The following GPR108 variants were observed in gnomAD, a reference collection of about 807,000 sequenced individuals.
GPR108 encodes protein GPR108.
GPR108 carries 60 observed loss-of-function variants against 74.3 expected under a neutral mutation model. That is an observed-to-expected ratio of 0.81 (90% CI 0.66 to 1.00). The LOEUF (loss-of-function observed/expected upper bound fraction) is 1.00, where lower values mean the gene tolerates loss of function less well. GPR108 is among the 50% of genes least tolerant of loss of function. GPR108 has a pLI of 0.00. For missense variants in GPR108, 667 were observed against 703.3 expected (o/e 0.95, Z 0.58); for synonymous variants, 311 against 292.4 (o/e 1.06, Z -0.65).
At position 6,731,472 on chromosome 19, in the gene GPR108, C is replaced by A; in HGVS notation, c.1350+1G>T. 6.5e-7 allele frequency: 1 copy of A among 1,536,388 alleles called. No individual in the cohort carries two copies. The highest frequency in any genetic ancestry group is 8.7e-7 in the Non-Finnish European group (1 of 1,143,224). ...CCGCTGTGAGTGAGGCGGGCTCCTA[C>A]CATGACATAGTAATGCCGGAACAGC... On this transcript the variant is annotated splice_donor_variant, in intron 15 of 17. Coordinates refer to ENST00000264080, the MANE Select transcript of GPR108 (RefSeq NM_001080452.2). LOFTEE classifies it high-confidence loss of function.
intron 4 of GPR108, 42 bp downstream of exon 4, chr19:6,735,580 C>T (rs369169708): frequency 4.2e-4 from 657 of 1,554,828 alleles, no homozygotes; most frequent in East Asian, 1.8e-3. Flanking sequence ...ACCAGGGAAA[C>T]GCAGACGAAG....
rs986304501 is a variant in GPR108 at position 6,737,425 on chromosome 19, CCGACCCCAGACCCTCGCG to C, written c.120+14_120+31del. The C allele has an allele frequency of 1.9e-6, 3 of 1,576,016 alleles. No individual in the cohort carries two copies. ...GCTTCTCCGAGACAAAGTTGCGCCA[CCGACCCCAGACCCTCGCG>C]CGGCGGGCCTCACCGTCAGCGCCAG... On this transcript the variant is annotated intron_variant, in intron 1 of 17. Coordinates refer to ENST00000264080, the MANE Select transcript of GPR108 (RefSeq NM_001080452.2).
chr19:6,733,154 G>C lies in GPR108; in HGVS notation c.857+14C>G, dbSNP rs756683252. On this transcript the variant is annotated intron_variant, in intron 9 of 17. Coordinates refer to ENST00000264080, the MANE Select transcript of GPR108 (RefSeq NM_001080452.2). ...TGAAGGGACGTGGGGGACCCTCAGG[G>C]GCAGGGGCATTACGTGTTCCTGCAG... 9.3e-6 allele frequency: 15 copies of C among 1,613,852 alleles called. No individual in the cohort carries two copies. Among genetic ancestry groups the C allele is most frequent in the Non-Finnish European group, 1.3e-5 (15 of 1,179,986 alleles).
chr19:6,737,197 A>G, intron 1 of GPR108: 2 of 499,922 alleles, frequency 4.0e-6, no homozygotes, highest in South Asian at 5.2e-5. Flanking sequence ...AGTTGGGGGG[A>G]AGGGGGGTGT....
chr19:6,733,514 C>T, intron 8 of GPR108, 56 bp downstream of exon 8: 1 of 1,538,666 alleles, frequency 6.5e-7, no homozygotes, highest in Non-Finnish European at 9.0e-7. Context: ...GCACTCTGGG[C>T]CCGCAGTGGC....
In GPR108 at chr19:6,733,630, G is replaced by T. The variant is rs771562781; in HGVS notation, c.663C>A (p.Ser221Arg). The change falls in exon 8 of 18, where the codon AGC becomes AGA. Residue 221 changes from serine to arginine, a missense_variant. By Grantham distance (110) the Ser-to-Arg change is moderately radical. Coordinates refer to ENST00000264080, the MANE Select transcript of GPR108 (RefSeq NM_001080452.2). ...IGSQAEEGQYSLNFHNCNNSV... is the reference protein window; with the variant it reads ...IGSQAEEGQYRLNFHNCNNSV... ...AATTGTTGCAGTTGTGGAAGTTCAGGCTGTACTGGCCTTCTTCCGCCTGAG... is the reference window on the plus strand; with the variant it reads ...AATTGTTGCAGTTGTGGAAGTTCAGTCTGTACTGGCCTTCTTCCGCCTGAG... The T allele has an allele frequency of 6.2e-7, 1 of 1,614,188 alleles. No homozygotes were observed. The highest frequency in any genetic ancestry group is 8.5e-7 in the Non-Finnish European group (1 of 1,180,024).
At chr19:6,732,181 G>C in intron 12 of GPR108, 26 bp from the exon 13 acceptor site, 3 of 1,612,676 alleles carry the variant, frequency 1.9e-6, no homozygotes, top group Non-Finnish European at 2.5e-6. Context: ...GGGTGGGTGG[G>C]CACTGCCTGG....
Position 6,731,015 on chromosome 19 carries a change from C to T in GPR108, c.1531G>A (p.Asp511Asn), listed in dbSNP as rs374025392. Residue 511 changes from aspartate (D) to asparagine (N), a missense_variant, in exon 17 of 18, where the codon GAC becomes AAC. Asp to Asn is a conservative substitution (Grantham distance 23, BLOSUM62 1). Transcript: ENST00000264080. ...NNPYLQLPQE[D>N]EEDVQMEQVM... ...TGCTCCATCTGAACATCCTCCTCGTCCTCCTGGGGCAGCTGCAGGTACGGG... is the reference window on the plus strand; with the variant it reads ...TGCTCCATCTGAACATCCTCCTCGTTCTCCTGGGGCAGCTGCAGGTACGGG... 4 of 1,613,384 alleles carry T rather than the reference C, an allele frequency of 2.5e-6. No individual in the cohort carries two copies. Among genetic ancestry groups the T allele is most frequent in the African/African-American group, 1.3e-5 (1 of 74,836 alleles).
intron 2 of GPR108, among the ~76,000 whole-genome samples, chr19:6,736,362 G>T (rs1251778190): frequency 6.6e-6 from 1 of 152,178 alleles, no homozygotes; most frequent in Non-Finnish European, 1.5e-5. Context: ...CTCCCAAAGT[G>T]CTAGGACTAC....
Position 6,734,066 on chromosome 19 carries a change from C to T in GPR108, c.500-12G>A, listed in dbSNP as rs369064279. Reference sequence around the variant, plus strand: ...TGCAGAGGTCCCTCCTGTAAGAGACCGGGCAGTGATTTTAAGAGATGGATG... The same window carrying T: ...TGCAGAGGTCCCTCCTGTAAGAGACTGGGCAGTGATTTTAAGAGATGGATG... On this transcript the variant is annotated splice_polypyrimidine_tract_variant and intron_variant, in intron 5 of 17. Coordinates refer to ENST00000264080, the MANE Select transcript of GPR108 (RefSeq NM_001080452.2). 58 of 1,613,978 alleles carry T rather than the reference C, an allele frequency of 3.6e-5. No individual in the cohort carries two copies. Among genetic ancestry groups the T allele is most frequent in the Non-Finnish European group, 3.9e-5 (46 of 1,180,020 alleles).
intron 10 of GPR108, 116 bp downstream of exon 10, chr19:6,732,871 A>C: frequency 1.1e-6 from 1 of 879,302 alleles, no homozygotes; most frequent in Non-Finnish European, 1.8e-6. Flanking sequence ...ATGGGTGGAC[A>C]CGTGGATAGC....
rs184983732 is a variant in GPR108 at position 6,731,971 on chromosome 19, G to A, written c.1257-37C>T. ...GGAGGACACAGGGTACGGTCAGCGC[G>A]GACATCGCCCATGTGCACAGGGCAG... On this transcript the variant is annotated intron_variant, in intron 13 of 17. Coordinates refer to ENST00000264080, the MANE Select transcript of GPR108 (RefSeq NM_001080452.2). 3.3e-4 allele frequency: 537 copies of A among 1,613,352 alleles called. 1 individual carries two copies. The African/African-American group carries it at 5.7e-3, about 17-fold the overall frequency.
At chr19:6,736,255 C>T (rs1003593944) in intron 2 of GPR108, among the ~76,000 whole-genome samples, 1 of 152,110 alleles carries the variant, frequency 6.6e-6, no homozygotes, top group East Asian at 1.9e-4. Context: ...TCACCACGCC[C>T]GGCTAATTTT....
chr19:6,731,658 G>C (rs1460149310), intron 14 of GPR108, 136 bp from the exon 15 acceptor site: 13 of 865,748 alleles, frequency 1.5e-5, no homozygotes, highest in Non-Finnish European at 2.3e-5. Context: ...GGGGACATTA[G>C]GTGGGGCAGA....
At chr19:6,733,475 G>A (rs1968505823) in intron 8 of GPR108, 95 bp downstream of exon 8, 1 of 1,404,008 alleles carries the variant, frequency 7.1e-7, no homozygotes, top group East Asian at 2.3e-5. Flanking sequence ...TCGCACCCGG[G>A]AGGGCTGGGA....
Position 6,734,067 on chromosome 19 carries a change from G to T in GPR108, c.500-13C>A. The T allele has an allele frequency of 3.1e-6, 5 of 1,614,188 alleles. No homozygotes were observed. Among genetic ancestry groups the T allele is most frequent in the Non-Finnish European group, 4.2e-6 (5 of 1,180,024 alleles). On this transcript the variant is annotated splice_polypyrimidine_tract_variant and intron_variant, in intron 5 of 17. Coordinates refer to ENST00000264080, the MANE Select transcript of GPR108 (RefSeq NM_001080452.2). Reference sequence around the variant, plus strand: ...GCAGAGGTCCCTCCTGTAAGAGACCGGGCAGTGATTTTAAGAGATGGATGG... The same window carrying T: ...GCAGAGGTCCCTCCTGTAAGAGACCTGGCAGTGATTTTAAGAGATGGATGG...
In GPR108 at chr19:6,732,772, G is replaced by T. The variant is rs957879461; in HGVS notation, c.933+215C>A. 7.6e-6 allele frequency: 5 copies of T among 655,354 alleles called. No homozygotes were observed. The African/African-American group carries it at 8.9e-5, about 12-fold the overall frequency. The allele number at this position is 655,354 out of a possible 1,614,324, so 40.6% of individuals were successfully genotyped here. On this transcript the variant is annotated intron_variant, in intron 10 of 17. Coordinates refer to ENST00000264080, the MANE Select transcript of GPR108 (RefSeq NM_001080452.2). Reference sequence around the variant, plus strand: ...ATAGTTGGACAATCAGAGACGGACAGTCACAGCTGAACCAAGGGACAGTGG... The same window carrying T: ...ATAGTTGGACAATCAGAGACGGACATTCACAGCTGAACCAAGGGACAGTGG...
intron 4 of GPR108, chr19:6,735,325 A>C: frequency 1.0e-5 from 3 of 292,870 alleles, no homozygotes; most frequent in East Asian, 7.2e-5. Flanking sequence ...AGGATAAGGA[A>C]TGGGTGAGTT....
At position 6,736,680 on chromosome 19, in the gene GPR108, C is replaced by G. The variant is rs1968646104; in HGVS notation, c.152G>C (p.Ser51Thr). The change falls in exon 2 of 18, where the codon AGC becomes ACC. Residue 51 changes from serine (S) to threonine (T), a missense_variant. Transcript: ENST00000264080. ...GEKRADIQLN[S>T]FGFYTNGSLE... ...AGAGCCATTGGTGTAGAAACCGAAG[C>G]TGTTCAGCTGGATGTCCGCTCGCTT... is the stretch of plus-strand genomic sequence containing the variant. 2 of 1,613,994 alleles carry G rather than the reference C, an allele frequency of 1.2e-6. No homozygotes were observed. Among genetic ancestry groups the G allele is most frequent in the Non-Finnish European group, 1.7e-6 (2 of 1,180,018 alleles).
Sources: allele counts gnomAD v4.1 joint callset (sites outside exome capture counted in the v4.1 genomes callset), GRCh38; gene constraint gnomAD v4.1.1; transcripts MANE v1.5; gene names NCBI Gene and HGNC (gene_info 2026-07-23, HGNC 2026-07-21).